The following GRIK2 variants were observed in gnomAD, a reference collection of about 807,000 sequenced individuals.
The protein encoded by GRIK2 is glutamate receptor ionotropic, kainate 2.
In GRIK2, 32 loss-of-function variants were observed where a neutral mutation model predicts 100.3. That is an observed-to-expected ratio of 0.32 (90% CI 0.24 to 0.43). The LOEUF (loss-of-function observed/expected upper bound fraction) is 0.43. GRIK2 is among the 20% of genes least tolerant of loss of function. The pLI is 1.00. For synonymous variants in GRIK2, 417 were observed against 389.4 expected, an observed-to-expected ratio of 1.07 and a Z score of -0.83; for missense variants, 843 against 1,114.9, an observed-to-expected ratio of 0.76 and a Z score of 3.47.
chr6:101,683,128 G>A (rs1199886169), intron 6 of GRIK2, among the ~76,000 whole-genome samples: 1 of 151,996 alleles, frequency 6.6e-6, no homozygotes, highest in East Asian at 1.9e-4. Flanking sequence ...GCTTGGACCT[G>A]GGAGGCGGAG....
At chr6:101,428,948 T>A (rs79731121) in intron 2 of GRIK2, among the ~76,000 whole-genome samples, 2,695 of 152,326 alleles carry the variant, frequency 0.018, 41 homozygotes, top group Non-Finnish European at 0.025. Flanking sequence ...CTTATCAGAC[T>A]TGCTGCATTA....
intron 14 of GRIK2, among the ~76,000 whole-genome samples, chr6:102,023,303 G>C (rs1375551116): frequency 6.6e-6 from 1 of 151,252 alleles, no homozygotes; most frequent in Admixed American, 6.6e-5. Context: ...GACCTGAAAG[G>C]CTTGAACATG....
intron 14 of GRIK2, among the ~76,000 whole-genome samples, chr6:101,975,506 T>C (rs1403456596): frequency 6.6e-6 from 1 of 152,008 alleles, no homozygotes; most frequent in Non-Finnish European, 1.5e-5. Context: ...TGTTACGTCC[T>C]GCTGAGATGT....
intron 14 of GRIK2, among the ~76,000 whole-genome samples, chr6:101,963,724 T>C (rs891322611): frequency 1.3e-5 from 2 of 151,998 alleles, no homozygotes; most frequent in Non-Finnish European, 2.9e-5. Flanking sequence ...CTCTAATTTT[T>C]GTACATATTA....
intron 2 of GRIK2, among the ~76,000 whole-genome samples, chr6:101,547,240 G>T (rs1776289170): frequency 6.6e-6 from 1 of 152,160 alleles, no homozygotes; most frequent in Non-Finnish European, 1.5e-5. Context: ...AACAAAGGAT[G>T]AGCGTAATAT....
intron 2 of GRIK2, among the ~76,000 whole-genome samples, chr6:101,598,394 C>A (rs1779029300): frequency 6.6e-6 from 1 of 151,532 alleles, no homozygotes; most frequent in African/African-American, 2.4e-5. Context: ...TTTATTGGTG[C>A]AAGTCTTCCT....
chr6:101,421,449 G>A (rs551974140), intron 2 of GRIK2, among the ~76,000 whole-genome samples: 14 of 152,222 alleles, frequency 9.2e-5, no homozygotes, highest in East Asian at 5.8e-4. Flanking sequence ...AGTTGTCTGC[G>A]TCTCCCCAAG....
intron 7 of GRIK2, among the ~76,000 whole-genome samples, chr6:101,778,090 G>A (rs749787911): frequency 6.6e-6 from 1 of 152,166 alleles, no homozygotes; most frequent in African/African-American, 2.4e-5. Context: ...GCAAGGCAGT[G>A]TATGGAATAC....
intron 2 of GRIK2, among the ~76,000 whole-genome samples, chr6:101,484,330 A>G (rs1369543293): frequency 6.6e-6 from 1 of 152,210 alleles, no homozygotes; most frequent in African/African-American, 2.4e-5. Flanking sequence ...TTTTCAATGA[A>G]AGCTGAAGAG....
At chr6:101,792,995 C>T (rs996720696) in intron 7 of GRIK2, among the ~76,000 whole-genome samples, 16 of 152,292 alleles carry the variant, frequency 1.1e-4, no homozygotes, top group South Asian at 2.1e-4. Flanking sequence ...TCCAGTTGAT[C>T]GCATCGGCTC....
chr6:101,455,824 A>G (rs912877883), intron 2 of GRIK2, among the ~76,000 whole-genome samples: 48 of 152,260 alleles, frequency 3.2e-4, no homozygotes, highest in Non-Finnish European at 1.2e-4. Context: ...TTTATGACTC[A>G]ATGAGATAAC....
At chr6:101,902,534 T>C (rs2128462101) in intron 12 of GRIK2, among the ~76,000 whole-genome samples, 1 of 152,078 alleles carries the variant, frequency 6.6e-6, no homozygotes, top group East Asian at 1.9e-4. Context: ...TAGCATAACA[T>C]TTTTGAGTTA....
At chr6:101,948,799 A>G (rs2128478247) in intron 14 of GRIK2, among the ~76,000 whole-genome samples, 1 of 152,166 alleles carries the variant, frequency 6.6e-6, no homozygotes, top group East Asian at 1.9e-4. Context: ...AAGCAAAACA[A>G]GAAAACAATC....
chr6:102,014,390 C>T (rs1562112131), intron 14 of GRIK2, among the ~76,000 whole-genome samples: 1 of 151,758 alleles, frequency 6.6e-6, no homozygotes. Context: ...TCAAAAAACC[C>T]ACTCCTGCCT....
At chr6:101,802,142 T>C (rs1207255093) in intron 8 of GRIK2, among the ~76,000 whole-genome samples, 189 bp from the exon 9 acceptor site, 1 of 151,876 alleles carries the variant, frequency 6.6e-6, no homozygotes, top group African/African-American at 2.4e-5. Flanking sequence ...TATAGTAAAT[T>C]TTCTGCTGAA....
chr6:101,406,743 T>G (rs1326159757), intron 2 of GRIK2, among the ~76,000 whole-genome samples: 1 of 152,160 alleles, frequency 6.6e-6, no homozygotes, highest in South Asian at 2.1e-4. Flanking sequence ...TACACAGTCT[T>G]TTTCAAATTT....
intron 14 of GRIK2, among the ~76,000 whole-genome samples, chr6:101,942,849 A>C (rs375408622): frequency 2.0e-5 from 3 of 152,232 alleles, no homozygotes; most frequent in Non-Finnish European, 4.4e-5. Context: ...AACATGTGGT[A>C]GAAAAGAAAA....
chr6:101,820,610 A>AT (rs1431674738), intron 10 of GRIK2, among the ~76,000 whole-genome samples: 2 of 151,844 alleles, frequency 1.3e-5, no homozygotes, highest in Admixed American at 6.6e-5. Context: ...CTCCTAGCTA[A>AT]TTTTTGTATT....
At chr6:102,035,627 G>A (rs934343077) in intron 15 of GRIK2, 61 bp downstream of exon 15, 5 of 945,316 alleles carry the variant, frequency 5.3e-6, no homozygotes, top group Non-Finnish European at 8.4e-6. Context: ...TAAGACAGGG[G>A]AAAAATAGTG....
Sources: gnomAD v4.1 joint callset for allele counts (sites outside exome capture counted in the v4.1 genomes callset) on GRCh38, gnomAD v4.1.1 for gene constraint, MANE v1.5 for transcripts, NCBI Gene and HGNC (gene_info 2026-07-23, HGNC 2026-07-21) for gene names.